The following TNRC6B variants were observed in gnomAD, a reference collection of about 807,000 sequenced individuals.
TNRC6B encodes the protein trinucleotide repeat-containing gene 6B protein.
In TNRC6B, 52 loss-of-function variants were observed where a neutral mutation model predicts 203.6. The ratio of observed to expected loss-of-function variants is 0.26; its 90% CI spans 0.20 to 0.32. The LOEUF (loss-of-function observed/expected upper bound fraction) is 0.32, where lower values mean the gene tolerates loss of function less well. TNRC6B is among the 10% of genes least tolerant of loss of function. The pLI, the probability that TNRC6B is intolerant of heterozygous loss-of-function variation, is 1.00. For synonymous variants in TNRC6B, 838 were observed against 845.7 expected (o/e 0.99, Z 0.16); for missense variants, 1,923 against 2,286.2 (o/e 0.84, Z 3.24).
chr22:40,162,656 T>C (rs1394660414), intron 4 of TNRC6B, among the ~76,000 whole-genome samples: 3 of 152,228 alleles, frequency 2.0e-5, no homozygotes, highest in African/African-American at 4.8e-5. Context: ...TCTCCAGTTT[T>C]TCCCCCTTTA....
At chr22:40,175,402 C>T (rs543340919), upstream of TNRC6B, among the ~76,000 whole-genome samples, 63 of 151,988 alleles carry the variant, frequency 4.1e-4, no homozygotes, top group Non-Finnish European at 6.5e-4. Context: ...GAAATTAGAA[C>T]CAATATTTTA....
intron 11 of TNRC6B, among the ~76,000 whole-genome samples, chr22:40,284,909 T>TA (rs1232633803): frequency 6.6e-6 from 1 of 152,304 alleles, no homozygotes; most frequent in Admixed American, 6.5e-5. Context: ...AGGGCCACCA[T>TA]ATAACCCAAC....
chr22:40,200,922 C>T (rs1038080556), intron 1 of TNRC6B, among the ~76,000 whole-genome samples: 2 of 152,094 alleles, frequency 1.3e-5, no homozygotes, highest in Admixed American at 1.3e-4. Flanking sequence ...TATTCGTATC[C>T]CAGCCCTGCC....
chr22:40,134,518 G>A (rs920774963), intron 3 of TNRC6B, among the ~76,000 whole-genome samples: 1 of 152,162 alleles, frequency 6.6e-6, no homozygotes, highest in Non-Finnish European at 1.5e-5. Flanking sequence ...GGAACATTAG[G>A]TAAAAACTAA....
In TNRC6B at chr22:40,300,591, G is replaced by A. The variant is rs1349790441; in HGVS notation, c.3840+5G>A. 6.3e-7 allele frequency: 1 copy of A among 1,594,560 alleles called. No individual in the cohort carries two copies. Among genetic ancestry groups the A allele is most frequent in the Non-Finnish European group, 8.5e-7 (1 of 1,174,932 alleles). On this transcript the variant is annotated splice_donor_5th_base_variant and intron_variant, in intron 13 of 22. Transcript: ENST00000454349. ...CAAATTCCCCAGTTTCAGTTGGTAA[G>A]TAGAAGATTTTCTTCCTGTGGCTAA... is the stretch of plus-strand genomic sequence containing the variant.
chr22:40,307,086 C>T (rs932497009), intron 15 of TNRC6B, among the ~76,000 whole-genome samples: 9 of 130,998 alleles, frequency 6.9e-5, no homozygotes, highest in East Asian at 2.7e-4. Flanking sequence ...CTAGTAAATT[C>T]GGTTACAGAG....
Position 40,178,002 on chromosome 22 carries a change from GTC to G in TNRC6B, c.-130_-129del, listed in dbSNP as rs372197106. The G allele has an allele frequency of 3.1e-4, 480 of 1,529,708 alleles. 3 individuals are homozygous for G. The East Asian group carries it at 8.8e-3, about 28-fold the overall frequency. 94.8% of individuals were successfully genotyped at this position (1,529,708 alleles called of 1,614,324 possible). A position where few individuals can be genotyped will look rare whatever the true frequency, so the allele number is the denominator to read the frequency against. On this transcript the variant is annotated 5_prime_UTR_variant, in exon 1 of 23. It removes the in-frame stop codon of an upstream open reading frame in the 5' UTR. Transcript: ENST00000454349. ...AGTTCAAGCCAAAATGGCCGACAGA[GTC>G]TCTGCTGGTTTCTGAATATTTAAAA... is the stretch of plus-strand genomic sequence containing the variant.
chr22:40,211,238 G>A (rs1342829211), intron 1 of TNRC6B, among the ~76,000 whole-genome samples: 3 of 151,954 alleles, frequency 2.0e-5, no homozygotes, highest in Admixed American at 1.3e-4. Context: ...GTGCCGCCAC[G>A]CCAGCTAATT....
chr22:40,220,050 T>G (rs538785598), intron 1 of TNRC6B, among the ~76,000 whole-genome samples: 2 of 152,336 alleles, frequency 1.3e-5, no homozygotes, highest in East Asian at 1.9e-4. Context: ...TTAGATATTT[T>G]ATTAGCAACA....
At chr22:40,262,533 G>T (rs994273301) in intron 4 of TNRC6B, among the ~76,000 whole-genome samples, 2 of 152,186 alleles carry the variant, frequency 1.3e-5, no homozygotes, top group Admixed American at 6.5e-5. Context: ...ATCTTTAGAT[G>T]CCTGTGTTAT....
chr22:40,264,155 A>G (rs921854575), intron 4 of TNRC6B, among the ~76,000 whole-genome samples: 6 of 152,214 alleles, frequency 3.9e-5, no homozygotes, highest in Non-Finnish European at 8.8e-5. Context: ...TGGAATGTCA[A>G]GTAGTATCGA....
intron 21 of TNRC6B, among the ~76,000 whole-genome samples, chr22:40,318,265 C>T (rs762141407): frequency 2.6e-5 from 4 of 152,138 alleles, no homozygotes; most frequent in South Asian, 4.2e-4. Flanking sequence ...TTCCAAGTTA[C>T]GGCCGGGCAC....
chr22:40,195,606 C>T (rs888035738), intron 1 of TNRC6B, among the ~76,000 whole-genome samples: 11 of 152,224 alleles, frequency 7.2e-5, no homozygotes, highest in Admixed American at 4.6e-4. Flanking sequence ...ACTACAGGTG[C>T]ACACCACCAC....
rs1204400968 is a variant in TNRC6B at position 40,324,215 on chromosome 22, A to G, written c.*974A>G. ...TCTCTGGCTGTTCTTTTGACCTAGC[A>G]GTAGAGTGGAGCACTGCCAAGTCCA... On this transcript the variant is annotated 3_prime_UTR_variant, in exon 23 of 23. Transcript: ENST00000454349. 1 of 152,376 alleles carries G rather than the reference A, an allele frequency of 6.6e-6. No homozygotes were observed. The highest frequency in any genetic ancestry group is 1.5e-5 in the Non-Finnish European group (1 of 67,982). 9.4% of individuals were successfully genotyped at this position (152,376 alleles called of 1,614,324 possible).
chr22:40,194,293 T>G (rs2069309640), intron 1 of TNRC6B, among the ~76,000 whole-genome samples: 1 of 152,174 alleles, frequency 6.6e-6, no homozygotes. Flanking sequence ...GCTAACTCAT[T>G]TCATCTTCAT....
At chr22:40,231,051 C>T (rs574572270) in intron 1 of TNRC6B, among the ~76,000 whole-genome samples, 78 of 151,780 alleles carry the variant, frequency 5.1e-4, no homozygotes, top group African/African-American at 1.8e-3. Flanking sequence ...GTCTCTCTCT[C>T]TCTATATATA....
intron 12 of TNRC6B, among the ~76,000 whole-genome samples, chr22:40,287,114 G>T (rs2070795726): frequency 6.6e-6 from 1 of 152,086 alleles, no homozygotes; most frequent in African/African-American, 2.4e-5. Flanking sequence ...GGCTCAAGCA[G>T]TCCTCCCTCC....
intron 1 of TNRC6B, among the ~76,000 whole-genome samples, chr22:40,225,742 CAAAAAAAAAAA>C (rs34769532): frequency 6.2e-5 from 4 of 64,350 alleles, no homozygotes; most frequent in African/African-American, 7.9e-5. Context: ...GACTCCGTCT[CAAAAAAAAAAA>C]AAAAAAAAAA....
rs2070482349 is a variant in TNRC6B at position 40,266,503 on chromosome 22, A to G, written c.2273A>G (p.Asn758Ser). The G allele has an allele frequency of 2.5e-6, 4 of 1,613,706 alleles. No homozygotes were observed. The highest frequency in any genetic ancestry group is 3.4e-6 in the Non-Finnish European group (4 of 1,179,798). Residue 758 changes from asparagine to serine, a missense_variant, in exon 5 of 23, where the codon AAC becomes AGC. By Grantham distance (46) the Asn-to-Ser change is conservative (BLOSUM62 1). Transcript: ENST00000454349. ...GWGEEVDQTK[N>S]SNWESSASKP... ...GGGGAGGAAGTCGATCAGACAAAAA[A>G]CAGCAATTGGGAAAGTTCTGCAAGT...
Sources: allele counts gnomAD v4.1 joint callset (sites outside exome capture counted in the v4.1 genomes callset), GRCh38; gene constraint gnomAD v4.1.1; transcripts MANE v1.5; gene names NCBI Gene and HGNC (gene_info 2026-07-23, HGNC 2026-07-21).